PALLD: variants seen among roughly 807,000 people sequenced by gnomAD.
PALLD encodes palladin, cytoskeletal associated protein.
A neutral mutation model predicts 123.5 loss-of-function variants in PALLD; 61 were observed. The ratio of observed to expected loss-of-function variants is 0.49; its 90% CI spans 0.40 to 0.61. The LOEUF is 0.61. Ranked by LOEUF, PALLD falls within the 20% of genes least tolerant of loss-of-function variation. PALLD has a pLI of 0.00. For missense variants in PALLD, 1,273 were observed against 1,377.0 expected, an observed-to-expected ratio of 0.92 and a Z score of 1.20; for synonymous variants, 465 against 496.4, an observed-to-expected ratio of 0.94 and a Z score of 0.84.
Position 168,642,304 on chromosome 4 carries a change from G to A in PALLD, c.909-25886G>A, listed in dbSNP as rs945544560. Among the ~76,000 whole-genome samples the A allele has an allele frequency of 4.9e-4, 75 of 152,126 alleles. 1 individual carries two copies. Among genetic ancestry groups the A allele is most frequent in the Middle Eastern group, 3.2e-3 (1 of 314 alleles). On this transcript the variant is annotated intron_variant, in intron 2 of 21. Coordinates refer to ENST00000505667, the MANE Select transcript of PALLD (RefSeq NM_001166108.2). ...TTGAAAATTGACATGGGACGCAACC[G>A]AACTCCCAGTCTTGGTAGACACATT...
intron 2 of PALLD, among the ~76,000 whole-genome samples, chr4:168,513,580 G>A (rs1262593614): frequency 2.0e-5 from 3 of 152,118 alleles, no homozygotes. Context: ...ACATCATTCT[G>A]TTTTATGATT....
At chr4:168,624,356 A>G (rs1316836196) in intron 2 of PALLD, among the ~76,000 whole-genome samples, 1 of 152,200 alleles carries the variant, frequency 6.6e-6, no homozygotes, top group Non-Finnish European at 1.5e-5. Flanking sequence ...AAAGATACCA[A>G]AAAGAGCATT....
chr4:168,711,561 C>T lies in PALLD; in HGVS notation c.1622-20C>T. On this transcript the variant is annotated intron_variant, in intron 9 of 21. Coordinates refer to ENST00000505667, the MANE Select transcript of PALLD (RefSeq NM_001166108.2). Reference sequence around the variant, plus strand: ...CTAGTGGCATCTTCTTATGTTTTTCCTCTCTTTCCCCTTCCTTAGCCAACA... The same window carrying T: ...CTAGTGGCATCTTCTTATGTTTTTCTTCTCTTTCCCCTTCCTTAGCCAACA... 4 of 1,562,384 alleles carry T rather than the reference C, an allele frequency of 2.6e-6. No individual in the cohort carries two copies. The highest frequency in any genetic ancestry group is 3.5e-6 in the Non-Finnish European group (4 of 1,132,932).
At chr4:168,855,028 T>G (rs571517010) in intron 10 of PALLD, among the ~76,000 whole-genome samples, 101 of 151,950 alleles carry the variant, frequency 6.6e-4, no homozygotes, top group African/African-American at 2.4e-3. Flanking sequence ...ATGAAAACAC[T>G]GTAAAAATAA....
intron 10 of PALLD, among the ~76,000 whole-genome samples, chr4:168,820,450 T>C (rs1401827827): frequency 6.6e-6 from 1 of 152,174 alleles, no homozygotes; most frequent in Admixed American, 6.5e-5. Flanking sequence ...GATAAAATAA[T>C]AGTTACCTTG....
chr4:168,644,960 G>A (rs1210214125), intron 2 of PALLD, among the ~76,000 whole-genome samples: 2 of 152,060 alleles, frequency 1.3e-5, no homozygotes, highest in Middle Eastern at 3.4e-3. Context: ...AATTAGCCGG[G>A]CATGGTGGTG....
intron 10 of PALLD, among the ~76,000 whole-genome samples, chr4:168,845,265 C>T (rs1746661988): frequency 6.6e-6 from 1 of 152,148 alleles, no homozygotes; most frequent in Non-Finnish European, 1.5e-5. Context: ...CTGTCTATAT[C>T]ATTGGAGAAA....
intron 13 of PALLD, among the ~76,000 whole-genome samples, chr4:168,897,099 G>C (rs1358900041): frequency 1.3e-5 from 2 of 152,176 alleles, no homozygotes; most frequent in Admixed American, 6.5e-5. Flanking sequence ...CCAAAGCGCT[G>C]GGAATACGGC....
chr4:168,765,633 A>G (rs1040212080), intron 10 of PALLD, among the ~76,000 whole-genome samples: 1 of 152,244 alleles, frequency 6.6e-6, no homozygotes, highest in Admixed American at 6.5e-5. Context: ...ACTGTTTGCC[A>G]CAGATTGTAA....
intron 6 of PALLD, chr4:168,686,731 T>C (rs1782097571): frequency 6.6e-6 from 1 of 152,252 alleles, no homozygotes; most frequent in African/African-American, 2.4e-5. Context: ...TCCTGGTTTT[T>C]AATTGTTTGT....
chr4:168,771,696 C>T (rs1485232727), intron 10 of PALLD, among the ~76,000 whole-genome samples: 1 of 152,148 alleles, frequency 6.6e-6, no homozygotes, highest in East Asian at 1.9e-4. Flanking sequence ...GCCATCACCC[C>T]CCAAACACAC....
chr4:168,555,081 A>C (rs1767137636), intron 2 of PALLD, among the ~76,000 whole-genome samples: 1 of 152,194 alleles, frequency 6.6e-6, no homozygotes, highest in Non-Finnish European at 1.5e-5. Flanking sequence ...CAAAATATTC[A>C]ATTTTATTGG....
intron 2 of PALLD, among the ~76,000 whole-genome samples, chr4:168,568,055 C>T (rs527538586): frequency 3.3e-5 from 5 of 152,034 alleles, no homozygotes; most frequent in African/African-American, 1.2e-4. Context: ...TTTAAAAATA[C>T]TCTAAATAAA....
chr4:168,916,886 G>C (rs937667106), intron 17 of PALLD, among the ~76,000 whole-genome samples: 1 of 151,634 alleles, frequency 6.6e-6, no homozygotes, highest in Non-Finnish European at 1.5e-5. Flanking sequence ...GGTCAGGCTG[G>C]TCTCAAACTC....
intron 10 of PALLD, among the ~76,000 whole-genome samples, chr4:168,856,426 A>G (rs1030961190): frequency 6.6e-5 from 10 of 152,136 alleles, no homozygotes; most frequent in South Asian, 2.1e-4. Flanking sequence ...GAAATTTCCA[A>G]ACTGCTTTCC....
chr4:168,657,887 C>T lies in PALLD; in HGVS notation c.909-10303C>T, dbSNP rs192661036. On this transcript the variant is annotated intron_variant, in intron 2 of 21. Transcript: ENST00000505667. ...TGGTCCAACCAATCTGTGGGCCCTA[C>T]GTAAATCGGACACCACCACCTCAAA... Among the ~76,000 whole-genome samples, 7 of 152,228 alleles carry T rather than the reference C, an allele frequency of 4.6e-5. No homozygotes were observed. The East Asian group carries it at 5.8e-4, about 13-fold the overall frequency.
At chr4:168,797,425 C>T (rs1012662727) in intron 10 of PALLD, among the ~76,000 whole-genome samples, 4 of 151,924 alleles carry the variant, frequency 2.6e-5, no homozygotes, top group Admixed American at 2.6e-4. Flanking sequence ...ATCATCATCC[C>T]ACGCAGGGAG....
chr4:168,898,624 A>G lies in PALLD; in HGVS notation c.2382A>G (p.Pro794=), dbSNP rs757114919. The G allele has an allele frequency of 7.4e-6, 12 of 1,613,932 alleles. No homozygotes were observed. The highest frequency in any genetic ancestry group is 5.5e-5 in the South Asian group (5 of 91,088). ...TGCCTGTGGAAAATGGAATGGCACC[A>G]TTCTTTGAGATGAAGCTGAAACATT... ...GDVPVENGMA[P]FFEMKLKHYK... is the part of the protein sequence containing the mutation. Residue 794 remains proline (P), a synonymous_variant, in exon 14 of 22, where the codon CCA becomes CCG. Coordinates refer to ENST00000505667, the MANE Select transcript of PALLD (RefSeq NM_001166108.2).
At chr4:168,656,313 T>C (rs537280075) in intron 2 of PALLD, among the ~76,000 whole-genome samples, 4 of 144,592 alleles carry the variant, frequency 2.8e-5, no homozygotes, top group Admixed American at 1.5e-4. Flanking sequence ...TAGGTAACTT[T>C]GAAGTGTGGC....
Sources: allele counts gnomAD v4.1 joint callset (sites outside exome capture counted in the v4.1 genomes callset), GRCh38; gene constraint gnomAD v4.1.1; transcripts MANE v1.5; gene names NCBI Gene and HGNC (gene_info 2026-07-23, HGNC 2026-07-21).